Variants in RARB observed in about 807,000 individuals in gnomAD.
RARB encodes the protein HBV-activated protein.
Under a neutral mutation model 51.9 loss-of-function variants are expected in RARB, and 17 were observed. That is an observed-to-expected ratio of 0.33 (90% CI 0.22 to 0.49). The LOEUF (loss-of-function observed/expected upper bound fraction) is 0.49, where lower values mean the gene tolerates loss of function less well. Among genes scored for constraint, RARB ranks in the 20% least tolerant of loss-of-function variants. The pLI is 0.99. For missense variants in RARB, 369 were observed against 550.8 expected (o/e 0.67, Z 3.30); for synonymous variants, 215 against 195.4 (o/e 1.10, Z -0.84).
Position 25,178,473 on chromosome 3 carries a change from G to A in RARB, c.178+3898G>A, listed in dbSNP as rs149663308. 5.9e-3 allele frequency among the ~76,000 whole-genome samples: 890 copies of A among 152,132 alleles called. 16 individuals carry two copies. In the South Asian group the frequency reaches 0.062, roughly 11 times the overall value. Reference sequence around the variant, plus strand: ...ACAGATAAAGACCAGGAGGCTTAGAGAGAGTAAAGAGCTTACATAACCAGT... The same window carrying A: ...ACAGATAAAGACCAGGAGGCTTAGAAAGAGTAAAGAGCTTACATAACCAGT... On this transcript the variant is annotated intron_variant, in intron 5 of 11. Coordinates refer to the RARB transcript ENST00000383772.
chr3:25,467,858 C>T (rs1253726687), intron 2 of RARB, among the ~76,000 whole-genome samples: 2 of 152,202 alleles, frequency 1.3e-5, no homozygotes, highest in African/African-American at 4.8e-5. Flanking sequence ...GCTAGAGATA[C>T]AACAGTGAAC....
At chr3:25,234,736 A>G (rs1702263903) in intron 5 of RARB, among the ~76,000 whole-genome samples, 1 of 151,918 alleles carries the variant, frequency 6.6e-6, no homozygotes, top group Admixed American at 6.6e-5. Context: ...ACTCTTGTAC[A>G]TTTCAGAGTG....
chr3:25,077,821 C>T (rs2125311450), intron 3 of RARB, among the ~76,000 whole-genome samples: 1 of 152,140 alleles, frequency 6.6e-6, no homozygotes, highest in South Asian at 2.1e-4. Flanking sequence ...TGAATAAGAG[C>T]TTTGGTTGCT....
chr3:25,511,029 T>G (rs1697866505), intron 3 of RARB, among the ~76,000 whole-genome samples: 1 of 152,236 alleles, frequency 6.6e-6, no homozygotes, highest in African/African-American at 2.4e-5. Context: ...TCAACTCTAC[T>G]ATTGCAGCTT....
intron 5 of RARB, among the ~76,000 whole-genome samples, chr3:25,357,587 A>C (rs1299736780): frequency 1.3e-5 from 2 of 152,172 alleles, no homozygotes; most frequent in Non-Finnish European, 2.9e-5. Flanking sequence ...GTATTTGCCC[A>C]TGCCTATGTC....
intron 3 of RARB, among the ~76,000 whole-genome samples, chr3:25,509,729 C>G (rs1697794691): frequency 6.6e-6 from 1 of 152,106 alleles, no homozygotes; most frequent in African/African-American, 2.4e-5. Context: ...GACGCCTGGC[C>G]CCCTTCCTTC....
intron 5 of RARB, among the ~76,000 whole-genome samples, chr3:25,374,963 C>G (rs1706415182): frequency 6.6e-6 from 1 of 151,934 alleles, no homozygotes; most frequent in African/African-American, 2.4e-5. Flanking sequence ...GGTTCCTTTT[C>G]TGAAATCCAT....
At chr3:24,904,077 G>A (rs62230566) in intron 2 of RARB, among the ~76,000 whole-genome samples, 16,869 of 152,148 alleles carry the variant, frequency 0.11, 1,159 homozygotes, top group Non-Finnish European at 0.15. Flanking sequence ...AACAACAAAT[G>A]TTAATTTTAG....
chr3:25,509,450 AG>A lies in RARB; in HGVS notation c.448+8128del, dbSNP rs1697779281. On this transcript the variant is annotated intron_variant, in intron 3 of 7. Coordinates refer to ENST00000330688, the MANE Select transcript of RARB (RefSeq NM_000965.5). Reference sequence around the variant, plus strand: ...AGCCTTGATTATACTTCAGGAGAAAAGTTAAAAGTAGAGACTCTATTCATTT... The same window carrying A: ...AGCCTTGATTATACTTCAGGAGAAAATTAAAAGTAGAGACTCTATTCATTT... Among the ~76,000 whole-genome samples, 6 of 152,238 alleles carry A rather than the reference AG, an allele frequency of 3.9e-5. No individual in the cohort carries two copies. In the South Asian group the frequency reaches 1.2e-3, roughly 31 times the overall value.
At chr3:25,504,037 C>T (rs1324598452) in intron 3 of RARB, among the ~76,000 whole-genome samples, 2 of 152,204 alleles carry the variant, frequency 1.3e-5, no homozygotes, top group Non-Finnish European at 2.9e-5. Flanking sequence ...GATTCACATT[C>T]CATTCTAGCC....
intron 2 of RARB, among the ~76,000 whole-genome samples, chr3:25,031,840 G>A (rs775341504): frequency 7.2e-5 from 11 of 152,062 alleles, no homozygotes; most frequent in Non-Finnish European, 1.5e-4. Flanking sequence ...CAGTTTTAGG[G>A]ATTAATATTA....
chr3:25,002,803 A>C (rs1205641379), intron 2 of RARB, among the ~76,000 whole-genome samples: 1 of 151,826 alleles, frequency 6.6e-6, no homozygotes, highest in East Asian at 1.9e-4. Flanking sequence ...TTAACCTTTT[A>C]ATTGCTTTGT....
At chr3:25,065,007 A>G (rs998831244) in intron 3 of RARB, among the ~76,000 whole-genome samples, 1 of 152,174 alleles carries the variant, frequency 6.6e-6, no homozygotes, top group East Asian at 1.9e-4. Flanking sequence ...GGAGTAAGGC[A>G]ATGGTGGCCA....
At chr3:25,316,195 A>G (rs969480334) in intron 5 of RARB, among the ~76,000 whole-genome samples, 8 of 152,134 alleles carry the variant, frequency 5.3e-5, no homozygotes, top group African/African-American at 1.4e-4. Context: ...CATTGTATCT[A>G]TGTATCTTTA....
intron 4 of RARB, among the ~76,000 whole-genome samples, chr3:25,161,006 T>TTTG (rs879753755): frequency 5.2e-4 from 79 of 151,656 alleles, no homozygotes; most frequent in South Asian, 4.4e-3. Flanking sequence ...TCATCTCCTT[T>TTTG]TTGTTGTTGT....
At chr3:25,508,475 T>C (rs913091685) in intron 3 of RARB, among the ~76,000 whole-genome samples, 12 of 152,224 alleles carry the variant, frequency 7.9e-5, no homozygotes, top group African/African-American at 2.4e-4. Flanking sequence ...GCACAAATTA[T>C]ATTGATGTGC....
At chr3:24,885,868 A>C (rs994949956) in intron 2 of RARB, among the ~76,000 whole-genome samples, 1 of 152,212 alleles carries the variant, frequency 6.6e-6, no homozygotes, top group Non-Finnish European at 1.5e-5. Context: ...TGTGCCTTTA[A>C]GCAACTTAAA....
chr3:25,092,907 GC>G (rs1277926902), intron 3 of RARB, among the ~76,000 whole-genome samples: 1 of 152,142 alleles, frequency 6.6e-6, no homozygotes, highest in African/African-American at 2.4e-5. Context: ...TTATTCTACA[GC>G]TAAGAGAAAC....
intron 4 of RARB, among the ~76,000 whole-genome samples, chr3:25,164,570 T>C (rs1443056806): frequency 6.6e-6 from 1 of 152,220 alleles, no homozygotes; most frequent in Non-Finnish European, 1.5e-5. Context: ...TTGTTAAAAA[T>C]ACATTTATGG....
Sources: gnomAD v4.1 joint callset for allele counts (sites outside exome capture counted in the v4.1 genomes callset) on GRCh38, gnomAD v4.1.1 for gene constraint, MANE v1.5 for transcripts, NCBI Gene and HGNC (gene_info 2026-07-23, HGNC 2026-07-21) for gene names.